NRXN3: variants seen among roughly 807,000 people sequenced by gnomAD.
The protein encoded by NRXN3 is neurexin III.
In NRXN3, 32 loss-of-function variants were observed where a neutral mutation model predicts 137.6. That is an observed-to-expected ratio of 0.23 (90% CI 0.18 to 0.31). The LOEUF (loss-of-function observed/expected upper bound fraction) is 0.31. Ranked by LOEUF, NRXN3 falls within the 10% of genes least tolerant of loss-of-function variation. The pLI is 1.00. For missense variants in NRXN3, 1,574 were observed against 2,062.5 expected, an observed-to-expected ratio of 0.76 and a Z score of 4.59; for synonymous variants, 798 against 784.5, an observed-to-expected ratio of 1.02 and a Z score of -0.29.
intron 4 of NRXN3, among the ~76,000 whole-genome samples, chr14:78,585,990 G>T (rs901603978): frequency 6.6e-6 from 1 of 152,224 alleles, no homozygotes; most frequent in Admixed American, 6.5e-5. Context: ...GCTAGTGGGG[G>T]CCAAAGCATT....
chr14:78,892,378 A>G (rs1567627822), intron 10 of NRXN3, among the ~76,000 whole-genome samples: 2 of 151,982 alleles, frequency 1.3e-5, no homozygotes, highest in South Asian at 2.1e-4. Context: ...GAGGAAGTCA[A>G]CTTAGCTCGT....
intron 15 of NRXN3, among the ~76,000 whole-genome samples, chr14:79,419,605 G>A (rs995471571): frequency 4.6e-5 from 7 of 151,962 alleles, no homozygotes; most frequent in Non-Finnish European, 8.8e-5. Context: ...ATTTAAAGAG[G>A]GGAGAGAGAG....
chr14:78,948,002 G>C (rs1032402360), intron 10 of NRXN3, among the ~76,000 whole-genome samples: 1 of 152,210 alleles, frequency 6.6e-6, no homozygotes, highest in African/African-American at 2.4e-5. Flanking sequence ...TACCTCATGC[G>C]GTTGCTGTAA....
At chr14:79,383,413 A>G (rs758902254) in intron 15 of NRXN3, among the ~76,000 whole-genome samples, 2 of 152,160 alleles carry the variant, frequency 1.3e-5, no homozygotes, top group Admixed American at 6.6e-5. Flanking sequence ...TGAATCCATC[A>G]TGTGTCCCAA....
intron 15 of NRXN3, among the ~76,000 whole-genome samples, chr14:79,007,492 C>T (rs1044543450): frequency 9.3e-5 from 14 of 150,194 alleles, no homozygotes; most frequent in Non-Finnish European, 1.5e-5. Context: ...AGCAATCAAC[C>T]AACCAAACAA....
intron 16 of NRXN3, among the ~76,000 whole-genome samples, chr14:79,632,022 G>GC (rs1195226725): frequency 1.3e-5 from 2 of 152,178 alleles, no homozygotes; most frequent in East Asian, 1.9e-4. Flanking sequence ...ACCTGAGCCA[G>GC]CAGCGGCATC....
chr14:79,416,480 T>C (rs2095498914), intron 15 of NRXN3, among the ~76,000 whole-genome samples: 1 of 152,110 alleles, frequency 6.6e-6, no homozygotes, highest in Non-Finnish European at 1.5e-5. Context: ...ATGCAAACAA[T>C]ACCATGTAAA....
chr14:78,970,245 C>G (rs1368663517), intron 14 of NRXN3, among the ~76,000 whole-genome samples: 1 of 151,926 alleles, frequency 6.6e-6, no homozygotes, highest in Non-Finnish European at 1.5e-5. Context: ...ATATATGTAA[C>G]ACATGCAATT....
intron 15 of NRXN3, among the ~76,000 whole-genome samples, chr14:79,214,186 T>C (rs1384159000): frequency 6.6e-6 from 1 of 152,226 alleles, no homozygotes; most frequent in Non-Finnish European, 1.5e-5. Flanking sequence ...TACATATTAC[T>C]CTCTCATAGA....
chr14:78,199,217 T>C (rs2061471899), intron 1 of NRXN3, among the ~76,000 whole-genome samples: 1 of 151,800 alleles, frequency 6.6e-6, no homozygotes, highest in Admixed American at 6.6e-5. Flanking sequence ...CTGTTGGAGG[T>C]TGGATAAGGA....
chr14:79,432,978 T>TTTATTTATTATTTATTATTTATTATTTA (rs1323843783), intron 15 of NRXN3, among the ~76,000 whole-genome samples: 13 of 152,222 alleles, frequency 8.5e-5, no homozygotes, highest in Non-Finnish European at 1.9e-4. Flanking sequence ...TCTTTTGCTA[T>TTTATTTATTATTTATTATTTATTATTTA]TCACTTTCAT....
chr14:79,546,741 C>A (rs2097324797), intron 16 of NRXN3, among the ~76,000 whole-genome samples: 1 of 152,164 alleles, frequency 6.6e-6, no homozygotes, highest in Non-Finnish European at 1.5e-5. Context: ...CTGATATACA[C>A]ATTTATCACT....
intron 6 of NRXN3, among the ~76,000 whole-genome samples, chr14:78,701,889 G>A (rs1463930334): frequency 6.6e-6 from 1 of 152,154 alleles, no homozygotes; most frequent in South Asian, 2.1e-4. Context: ...GGCAGATCCT[G>A]ACCACTGTTA....
intron 15 of NRXN3, among the ~76,000 whole-genome samples, chr14:79,209,325 AC>A (rs910745461): frequency 9.9e-5 from 15 of 151,998 alleles, no homozygotes; most frequent in Non-Finnish European, 2.1e-4. Flanking sequence ...AAAAAAAAAA[AC>A]AGAGGTCCAA....
At chr14:78,668,178 G>A (rs2097904031) in intron 6 of NRXN3, among the ~76,000 whole-genome samples, 1 of 152,196 alleles carries the variant, frequency 6.6e-6, no homozygotes, top group Admixed American at 6.5e-5. Context: ...GCAAAACTTA[G>A]CTGTAAAATT....
Position 79,148,170 on chromosome 14 carries a change from G to GT in NRXN3, c.3262+160031dup, listed in dbSNP as rs146361540. Among the ~76,000 whole-genome samples, 1,311 of 152,270 alleles carry GT rather than the reference G, an allele frequency of 8.6e-3. 18 individuals are homozygous for GT. The highest frequency in any genetic ancestry group is 0.03 in the African/African-American group (1,235 of 41,570). On this transcript the variant is annotated intron_variant, in intron 15 of 20. Transcript: ENST00000335750. ...AAACAGTAAGCAAGTGAACAGATAA[G>GT]TTAGTGGTATAAAATTGTTTAAGAG...
At chr14:79,392,969 CAAAAAAAAAAAA>C (rs3036678) in intron 15 of NRXN3, among the ~76,000 whole-genome samples, 3 of 60,696 alleles carry the variant, frequency 4.9e-5, no homozygotes, top group African/African-American at 2.2e-4. Flanking sequence ...GGCTCCATCT[CAAAAAAAAAAAA>C]AAAAAAAAAA....
intron 18 of NRXN3, among the ~76,000 whole-genome samples, chr14:79,693,937 GGTGA>G (rs1451416409): frequency 6.6e-6 from 1 of 151,680 alleles, no homozygotes; most frequent in African/African-American, 2.4e-5. Flanking sequence ...TTGTAATTTG[GGTGA>G]GTAACATCTA....
intron 2 of NRXN3, among the ~76,000 whole-genome samples, chr14:78,247,287 G>A (rs551386574): frequency 6.6e-6 from 1 of 152,270 alleles, no homozygotes; most frequent in African/African-American, 2.4e-5. Context: ...ATATTCCCTA[G>A]GTAAGACCCA....
Sources: allele counts gnomAD v4.1 joint callset (sites outside exome capture counted in the v4.1 genomes callset), GRCh38; gene constraint gnomAD v4.1.1; transcripts MANE v1.5; gene names NCBI Gene and HGNC (gene_info 2026-07-23, HGNC 2026-07-21).